Variants in MALT1 observed in about 807,000 individuals in gnomAD.
MALT1 encodes mucosa-associated lymphoid tissue lymphoma translocation protein 1.
A neutral mutation model predicts 85.5 loss-of-function variants in MALT1; 36 were observed. That is an observed-to-expected ratio of 0.42 (90% CI 0.32 to 0.56). The LOEUF is 0.56. Among genes scored for constraint, MALT1 ranks in the 20% least tolerant of loss-of-function variants. The pLI, the probability that MALT1 is intolerant of heterozygous loss-of-function variation, is 0.10. For missense variants in MALT1, 716 were observed against 981.6 expected, an observed-to-expected ratio of 0.73 and a Z score of 3.62; for synonymous variants, 359 against 361.3, an observed-to-expected ratio of 0.99 and a Z score of 0.07.
At chr18:58,691,199 A>T (rs1318313542) in intron 2 of MALT1, 3 of 302,926 alleles carry the variant, frequency 9.9e-6, no homozygotes, top group Non-Finnish European at 1.9e-5. Context: ...ATCTTCAGGA[A>T]TGCAATGTTT....
chr18:58,726,414 CT>C (rs2055055032), intron 10 of MALT1, among the ~76,000 whole-genome samples: 7 of 152,214 alleles, frequency 4.6e-5, no homozygotes, highest in African/African-American at 1.4e-4. Context: ...GCCTTTACCG[CT>C]AGTTGATATT....
chr18:58,686,812 T>C (rs76965354), intron 2 of MALT1, among the ~76,000 whole-genome samples: 8,219 of 152,330 alleles, frequency 0.054, 352 homozygotes, highest in East Asian at 0.22. Flanking sequence ...ATACCTTTAC[T>C]TCACATTTTA....
chr18:58,691,339 T>C, intron 2 of MALT1: 1 of 855,760 alleles, frequency 1.2e-6, no homozygotes, highest in Non-Finnish European at 1.8e-6. Flanking sequence ...GCCAAGATGA[T>C]CCTGTTTGCT....
Position 58,734,526 on chromosome 18 carries a change from C to T in MALT1, c.1475+145C>T, listed in dbSNP as rs116551555. 1,832 of 635,124 alleles carry T rather than the reference C, an allele frequency of 2.9e-3. 18 individuals carry two copies. The highest frequency in any genetic ancestry group is 0.027 in the African/African-American group (1,498 of 55,030). The allele number at this position is 635,124 out of a possible 1,614,324, so 39.3% of individuals were successfully genotyped here. A position where few individuals can be genotyped will look rare whatever the true frequency, so the allele number is the denominator to read the frequency against. On this transcript the variant is annotated intron_variant, in intron 12 of 16. Transcript: ENST00000649217. ...ATAGCTCACTGCTCCTGGGCTCAAGCGATCCTCCTGCCTCAGCCTTCTGAG... is the reference window on the plus strand; with the variant it reads ...ATAGCTCACTGCTCCTGGGCTCAAGTGATCCTCCTGCCTCAGCCTTCTGAG...
In MALT1 at chr18:58,747,240, G is replaced by A. The variant is rs562266392; in HGVS notation, c.2038-165G>A. On this transcript the variant is annotated intron_variant, in intron 16 of 16. Coordinates refer to ENST00000649217, the MANE Select transcript of MALT1 (RefSeq NM_006785.4). ...GAAAAGGAAGATAATGATAGCTGGC[G>A]TTTCTCAGTTTCAGGGAGATATAAA... Among the ~76,000 whole-genome samples, 158 of 152,218 alleles carry A rather than the reference G, an allele frequency of 1.0e-3. 2 individuals are homozygous for A. The highest frequency in any genetic ancestry group is 7.3e-3 in the South Asian group (35 of 4,820).
rs2055393183 is a variant in MALT1 at position 58,747,912 on chromosome 18, G to C, written c.*70G>C. 2 of 1,343,664 alleles carry C rather than the reference G, an allele frequency of 1.5e-6. No homozygotes were observed. 83.2% of individuals were successfully genotyped at this position (1,343,664 alleles called of 1,614,324 possible). ...ATAGTACTGCACTTACATAAAGTGA[G>C]ACATTGTGAAAAGGCAAATTTGTAT... On this transcript the variant is annotated 3_prime_UTR_variant, in exon 17 of 17. Coordinates refer to ENST00000649217, the MANE Select transcript of MALT1 (RefSeq NM_006785.4).
intron 12 of MALT1, among the ~76,000 whole-genome samples, chr18:58,734,728 T>G (rs191991085): frequency 6.6e-6 from 1 of 152,242 alleles, no homozygotes; most frequent in African/African-American, 2.4e-5. Flanking sequence ...TCTTAATTAT[T>G]AAGCCCAAAT....
intron 4 of MALT1, among the ~76,000 whole-genome samples, chr18:58,703,616 A>G (rs2054705290): frequency 6.6e-6 from 1 of 152,120 alleles, no homozygotes; most frequent in African/African-American, 2.4e-5. Context: ...AATGCCAGAC[A>G]TGTAAATAAC....
At chr18:58,714,692 A>C (rs892137027) in intron 8 of MALT1, among the ~76,000 whole-genome samples, 3 of 152,222 alleles carry the variant, frequency 2.0e-5, no homozygotes, top group African/African-American at 7.2e-5. Context: ...GATTTCTAAT[A>C]AGTTAAGCCT....
intron 2 of MALT1, among the ~76,000 whole-genome samples, chr18:58,683,395 A>G (rs771187347): frequency 6.6e-5 from 10 of 152,180 alleles, no homozygotes; most frequent in Non-Finnish European, 1.3e-4. Context: ...TCTCTACCTC[A>G]CAGAGTTATA....
At chr18:58,691,779 A>G (rs999015601) in intron 2 of MALT1, among the ~76,000 whole-genome samples, 95 of 152,134 alleles carry the variant, frequency 6.2e-4, no homozygotes, top group African/African-American at 2.2e-3. Context: ...AGGCTGAGGC[A>G]GGAGAATGGC....
chr18:58,742,029 A>AT lies in MALT1; in HGVS notation c.1753+21dup, dbSNP rs759888145. On this transcript the variant is annotated intron_variant, in intron 14 of 16. Coordinates refer to ENST00000649217, the MANE Select transcript of MALT1 (RefSeq NM_006785.4). ...CAAGGCTCATGGTACGGTAAAGCCC[A>AT]TTTTTTGTTAGATCTACAATATACT... is the stretch of plus-strand genomic sequence containing the variant. 1.8e-5 allele frequency: 26 copies of AT among 1,474,848 alleles called. No individual in the cohort carries two copies. The African/African-American group carries it at 3.3e-4, about 19-fold the overall frequency. The allele number at this position is 1,474,848 out of a possible 1,614,324, so 91.4% of individuals were successfully genotyped here. A position where few individuals can be genotyped will look rare whatever the true frequency, so the allele number is the denominator to read the frequency against.
intron 4 of MALT1, among the ~76,000 whole-genome samples, chr18:58,705,324 ATT>A (rs2144375337): frequency 1.1e-5 from 1 of 87,866 alleles, no homozygotes; most frequent in East Asian, 3.4e-4. Context: ...GTGTGTGTGT[ATT>A]TATTTTTATT....
At position 58,754,306 on chromosome 18, in the gene MALT1, CATT is replaced by C. The variant is rs1263520219; in HGVS notation, c.*6467_*6469del. The C allele has an allele frequency of 4.6e-5, 7 of 152,272 alleles. No individual in the cohort carries two copies. The highest frequency in any genetic ancestry group is 1.9e-4 in the East Asian group (1 of 5,192). 9.4% of individuals were successfully genotyped at this position (152,272 alleles called of 1,614,324 possible). ...GAAAAACACTTTTAAAATATTGAAA[CATT>C]ATAGGAGCAGAAGTACATCTCTAAA... is the stretch of plus-strand genomic sequence containing the variant. On this transcript the variant is annotated 3_prime_UTR_variant, in exon 17 of 17. Transcript: ENST00000649217.
chr18:58,739,347 CAGTATCAGTGGCATACAG>C (rs2055269893), intron 13 of MALT1, among the ~76,000 whole-genome samples: 1 of 152,106 alleles, frequency 6.6e-6, no homozygotes, highest in Non-Finnish European at 1.5e-5. Flanking sequence ...TCAGTGTTAT[CAGTATCAGTGGCATACAG>C]AGTATCAGTG....
chr18:58,683,683 C>A (rs1354820889), intron 2 of MALT1, among the ~76,000 whole-genome samples: 2 of 152,116 alleles, frequency 1.3e-5, no homozygotes, highest in Admixed American at 1.3e-4. Flanking sequence ...TAGTAATCTT[C>A]CTTTGAAAAA....
rs937368751 is a variant in MALT1, at chr18:58,671,618, G to T, written c.-26G>T. On this transcript the variant is annotated 5_prime_UTR_variant, in exon 1 of 17. Coordinates refer to ENST00000649217, the MANE Select transcript of MALT1 (RefSeq NM_006785.4). The stretch of plus-strand genomic sequence containing the variant: ...CGTGACGGGGCGGGCGGGAGCCCCG[G>T]CAGTCCGGGGTCGCCGGCGAGGGCC... 65 of 1,208,350 alleles carry T rather than the reference G, an allele frequency of 5.4e-5. No individual in the cohort carries two copies. The African/African-American group carries it at 8.5e-4, about 16-fold the overall frequency. The allele number at this position is 1,208,350 out of a possible 1,614,324, so 74.9% of individuals were successfully genotyped here.
intron 4 of MALT1, 124 bp downstream of exon 4, chr18:58,700,715 C>A (rs914993711): frequency 1.9e-5 from 14 of 729,084 alleles, no homozygotes; most frequent in Non-Finnish European, 2.9e-5. Flanking sequence ...ATAGGTACTT[C>A]ATCCATTATA....
chr18:58,701,616 C>T (rs1320615736), intron 4 of MALT1, among the ~76,000 whole-genome samples: 1 of 152,186 alleles, frequency 6.6e-6, no homozygotes, highest in Non-Finnish European at 1.5e-5. Context: ...GAGGCACAGC[C>T]TTGGGCTTCG....
Sources: gnomAD v4.1 joint callset for allele counts (sites outside exome capture counted in the v4.1 genomes callset) on GRCh38, gnomAD v4.1.1 for gene constraint, MANE v1.5 for transcripts, NCBI Gene and HGNC (gene_info 2026-07-23, HGNC 2026-07-21) for gene names.